MARK3: variants seen among roughly 807,000 people sequenced by gnomAD.
The protein encoded by MARK3 is microtubule affinity regulating kinase 3.
A neutral mutation model predicts 90.1 loss-of-function variants in MARK3; 46 were observed. The ratio of observed to expected loss-of-function variants is 0.51; its 90% CI spans 0.40 to 0.65. The LOEUF is 0.65. MARK3 is among the 30% of genes least tolerant of loss of function. The pLI is 0.00. For missense variants in MARK3, 818 were observed against 947.2 expected (o/e 0.86, Z 1.79); for synonymous variants, 321 against 332.6 (o/e 0.97, Z 0.38).
chr14:103,445,060 G>C (rs1426521869), intron 3 of MARK3, among the ~76,000 whole-genome samples: 2 of 152,046 alleles, frequency 1.3e-5, no homozygotes, highest in African/African-American at 4.8e-5. Flanking sequence ...TATATCAGCA[G>C]CTTATAATTT....
chr14:103,463,668 G>A (rs2093445091), intron 7 of MARK3, among the ~76,000 whole-genome samples: 1 of 152,114 alleles, frequency 6.6e-6, no homozygotes, highest in South Asian at 2.1e-4. Context: ...TCTCATAGGT[G>A]ATTCCGACAC....
At chr14:103,498,719 C>T in intron 16 of MARK3, 191 bp downstream of exon 16, 1 of 395,868 alleles carries the variant, frequency 2.5e-6, no homozygotes, top group Non-Finnish European at 4.2e-6. Context: ...TTTAAAGGGA[C>T]TATGGTACCC....
intron 3 of MARK3, among the ~76,000 whole-genome samples, chr14:103,433,235 G>A (rs1238056859): frequency 6.6e-6 from 1 of 151,756 alleles, no homozygotes; most frequent in Non-Finnish European, 1.5e-5. Flanking sequence ...ACAGGTGTGT[G>A]CCACCACGCC....
intron 4 of MARK3, among the ~76,000 whole-genome samples, chr14:103,450,482 T>G (rs925852883): frequency 9.2e-5 from 14 of 152,246 alleles, no homozygotes; most frequent in Non-Finnish European, 1.8e-4. Context: ...GATAATAAAT[T>G]GAACTTTTAA....
chr14:103,477,010 G>A lies in MARK3; in HGVS notation c.1482+1800G>A, dbSNP rs141178154. Among the ~76,000 whole-genome samples the A allele has an allele frequency of 3.4e-3, 524 of 152,162 alleles. 2 individuals are homozygous for A. The highest frequency in any genetic ancestry group is 0.012 in the African/African-American group (500 of 41,486). ...TTCCCCTTTGCTCTTGTCTACACAC[G>A]CTGCCCTTCTGAAAGTGAATCATGA... On this transcript the variant is annotated intron_variant, in intron 13 of 17. Transcript: ENST00000429436.
chr14:103,475,644 C>A (rs932827306), intron 13 of MARK3, among the ~76,000 whole-genome samples: 7 of 152,086 alleles, frequency 4.6e-5, no homozygotes, highest in African/African-American at 1.4e-4. Context: ...CCCCTCAAGC[C>A]CTTCTATAAA....
rs569526765 is a variant in MARK3, at chr14:103,494,942, A to G, written c.1844+2908A>G. On this transcript the variant is annotated intron_variant, in intron 15 of 17. Coordinates refer to ENST00000429436, the MANE Select transcript of MARK3 (RefSeq NM_001128918.3). ...ATTATGTGCTAAGGTAGATGTCTAT[A>G]TACATAGATACAGTCATATTCATTT... Among the ~76,000 whole-genome samples, 106 of 152,358 alleles carry G rather than the reference A, an allele frequency of 7.0e-4. 1 individual carries two copies. The South Asian group carries it at 8.3e-3, about 12-fold the overall frequency.
At chr14:103,490,845 A>G in intron 14 of MARK3, 1 of 581,482 alleles carries the variant, frequency 1.7e-6, no homozygotes, top group Non-Finnish European at 2.2e-6. Context: ...TTTACCAGAA[A>G]TGAGATGGCT....
At chr14:103,463,535 A>G (rs886952748) in intron 7 of MARK3, among the ~76,000 whole-genome samples, 7 of 152,086 alleles carry the variant, frequency 4.6e-5, no homozygotes, top group Admixed American at 6.5e-5. Flanking sequence ...GATGTCCCTC[A>G]AGTACCTTAC....
intron 1 of MARK3, among the ~76,000 whole-genome samples, chr14:103,392,847 G>A (rs1290728622): frequency 1.3e-5 from 2 of 150,428 alleles, no homozygotes; most frequent in East Asian, 3.9e-4. Flanking sequence ...GTCTCACACT[G>A]TTACCTGGGC....
rs375614659 is a variant in MARK3 at position 103,405,156 on chromosome 14, C to T, written c.132C>T (p.Ala44=). The T allele has an allele frequency of 3.0e-5, 48 of 1,608,360 alleles. No individual in the cohort carries two copies. The highest frequency in any genetic ancestry group is 4.0e-5 in the African/African-American group (3 of 74,484). The change falls in exon 2 of 18, where the codon GCC becomes GCT. Residue 44 remains alanine (A), a synonymous_variant. Transcript: ENST00000429436. The part of the protein sequence containing the change: ...RSGARCRNSI[A]SCADEQPHIG... ...GAGCTCGGTGTAGAAACTCTATAGC[C>T]TCCTGTGCAGATGAACAACCTCACA...
chr14:103,387,878 G>A (rs2140420658), intron 1 of MARK3, among the ~76,000 whole-genome samples: 1 of 152,202 alleles, frequency 6.6e-6, no homozygotes, highest in African/African-American at 2.4e-5. Flanking sequence ...CTAAACTGAA[G>A]CCAAAAACAG....
chr14:103,423,200 C>CTTTTTTTTT (rs10529756), intron 2 of MARK3, among the ~76,000 whole-genome samples: 7 of 94,720 alleles, frequency 7.4e-5, no homozygotes, highest in African/African-American at 2.2e-4. Flanking sequence ...GACTTGCAGT[C>CTTTTTTTTT]TTTTTTTTTT....
intron 14 of MARK3, 49 bp from the exon 15 acceptor site, chr14:103,491,728 A>G: frequency 6.3e-7 from 1 of 1,589,630 alleles, no homozygotes. Flanking sequence ...TGTGACTGTA[A>G]ATTTTTGTAT....
intron 1 of MARK3, among the ~76,000 whole-genome samples, chr14:103,393,041 T>A (rs2090360988): frequency 6.6e-6 from 1 of 152,176 alleles, no homozygotes; most frequent in African/African-American, 2.4e-5. Flanking sequence ...TGGAGTGCAG[T>A]GGCATGATCT....
chr14:103,427,089 CTT>C (rs1327292369), intron 2 of MARK3, among the ~76,000 whole-genome samples: 1 of 151,304 alleles, frequency 6.6e-6, no homozygotes, highest in Admixed American at 6.6e-5. Flanking sequence ...TTGGAGGAGA[CTT>C]TCCCCTTGTC....
chr14:103,468,281 T>A (rs1030181859), intron 12 of MARK3, 95 bp downstream of exon 12: 73 of 860,996 alleles, frequency 8.5e-5, no homozygotes, highest in Admixed American at 2.1e-4. Context: ...CCTGGCTTGA[T>A]GTCCTTTCTT....
At chr14:103,470,077 T>A (rs1472310494) in intron 12 of MARK3, among the ~76,000 whole-genome samples, 3 of 150,702 alleles carry the variant, frequency 2.0e-5, no homozygotes, top group East Asian at 3.9e-4. Flanking sequence ...AAAAAAAAAA[T>A]TTGTACTTAA....
Position 103,462,414 on chromosome 14 carries a change from G to T in MARK3, c.493G>T (p.Ala165Ser), listed in dbSNP as rs2093420183. Residue 165 changes from alanine (A) to serine (S), a missense_variant, in exon 7 of 18, where the codon GCA becomes TCA. Around this residue, in one of 3 missense-constraint regions of MARK3, gnomAD observed 101 missense variants for 175.1 expected, o/e 0.58. Transcript: ENST00000429436. The stretch of plus-strand genomic sequence containing the variant: ...CGTCTCTCCTATTCAGATTGTGTCT[G>T]CAGTTCAATACTGCCATCAGAAACG... ...ARSKFRQIVS[A>S]VQYCHQKRIV... The T allele has an allele frequency of 1.9e-6, 3 of 1,602,140 alleles. No homozygotes were observed. The East Asian group carries it at 6.7e-5, about 36-fold the overall frequency.
Sources: gnomAD v4.1 joint callset for allele counts (sites outside exome capture counted in the v4.1 genomes callset) on GRCh38, gnomAD v4.1.1 for gene constraint, gnomAD v4.1.1 regional missense constraint, MANE v1.5 for transcripts, NCBI Gene and HGNC (gene_info 2026-07-23, HGNC 2026-07-21) for gene names.